Variants in TAF3 observed in about 807,000 individuals in gnomAD.
TAF3 encodes TATA-box binding protein associated factor 3.
Under a neutral mutation model 80.6 loss-of-function variants are expected in TAF3, and 7 were observed. The observed-to-expected ratio is 0.09, with a 90% confidence interval of 0.05 to 0.16. The LOEUF (loss-of-function observed/expected upper bound fraction) is 0.16. Among genes scored for constraint, TAF3 ranks in the 10% least tolerant of loss-of-function variants. The pLI is 1.00. For synonymous variants in TAF3, 444 were observed against 446.1 expected (o/e 1.00, Z 0.06); for missense variants, 921 against 1,140.2 (o/e 0.81, Z 2.77).
intron 2 of TAF3, among the ~76,000 whole-genome samples, chr10:7,839,555 A>G (rs1337568202): frequency 2.0e-5 from 3 of 152,186 alleles, no homozygotes; most frequent in Admixed American, 2.0e-4. Flanking sequence ...CCCAGGTTTC[A>G]TAGTCTTGGC....
Position 7,818,520 on chromosome 10 carries a change from G to C in TAF3, c.-190G>C, listed in dbSNP as rs1000970031. 3.8e-6 allele frequency: 2 copies of C among 520,160 alleles called. No homozygotes were observed. Among genetic ancestry groups the C allele is most frequent in the South Asian group, 3.1e-5 (1 of 31,910 alleles). The allele number at this position is 520,160 out of a possible 1,614,324, so 32.2% of individuals were successfully genotyped here. Reference sequence around the variant, plus strand: ...GCGGCCGTCCAGCGGGAGGCGGAGCGAGTCCAAAATGGCGGCTCTCAGGCT... The same window carrying C: ...GCGGCCGTCCAGCGGGAGGCGGAGCCAGTCCAAAATGGCGGCTCTCAGGCT... On this transcript the variant is annotated 5_prime_UTR_variant, in exon 1 of 7. Transcript: ENST00000344293.
chr10:7,870,055 G>A (rs1384708254), intron 2 of TAF3, among the ~76,000 whole-genome samples: 1 of 152,178 alleles, frequency 6.6e-6, no homozygotes, highest in Non-Finnish European at 1.5e-5. Context: ...TAGGAGAAAT[G>A]AAAACGGCTT....
At chr10:7,893,693 G>A (rs1286384726) in intron 2 of TAF3, among the ~76,000 whole-genome samples, 1 of 152,090 alleles carries the variant, frequency 6.6e-6, no homozygotes, top group East Asian at 1.9e-4. Context: ...TCTAGCGTAG[G>A]CCTGGCCTAT....
At chr10:7,905,585 T>C (rs11594292) in intron 2 of TAF3, among the ~76,000 whole-genome samples, 53,788 of 151,908 alleles carry the variant, frequency 0.35, 10,691 homozygotes, top group Admixed American at 0.48. Flanking sequence ...TATACTCCTT[T>C]AAAAACTTAA....
intron 2 of TAF3, among the ~76,000 whole-genome samples, chr10:7,870,432 G>C (rs1429990667): frequency 1.3e-5 from 2 of 152,136 alleles, no homozygotes; most frequent in Non-Finnish European, 2.9e-5. Context: ...TTCTTCCAGT[G>C]GTCGGTTAGA....
chr10:7,976,076 G>T (rs1831669661), intron 3 of TAF3, among the ~76,000 whole-genome samples: 1 of 152,104 alleles, frequency 6.6e-6, no homozygotes, highest in Non-Finnish European at 1.5e-5. Flanking sequence ...TTGATTATAT[G>T]ATCTGCAAAC....
chr10:7,986,635 C>G (rs1831780433), intron 4 of TAF3, among the ~76,000 whole-genome samples: 1 of 152,174 alleles, frequency 6.6e-6, no homozygotes, highest in Non-Finnish European at 1.5e-5. Flanking sequence ...CACTTGGACT[C>G]TCAGCATCTT....
At chr10:7,894,397 T>C (rs1837486900) in intron 2 of TAF3, among the ~76,000 whole-genome samples, 1 of 152,222 alleles carries the variant, frequency 6.6e-6, no homozygotes, top group Admixed American at 6.5e-5. Flanking sequence ...GCATTACGTC[T>C]CAGCGCCATC....
At chr10:7,976,081 GCAAA>G (rs1260077264) in intron 3 of TAF3, among the ~76,000 whole-genome samples, 2 of 152,110 alleles carry the variant, frequency 1.3e-5, no homozygotes, top group African/African-American at 2.4e-5. Flanking sequence ...TATATGATCT[GCAAA>G]CCAACAATTG....
intron 2 of TAF3, among the ~76,000 whole-genome samples, chr10:7,902,244 A>G (rs1588545349): frequency 6.6e-6 from 1 of 151,874 alleles, no homozygotes; most frequent in Admixed American, 6.6e-5. Flanking sequence ...ACCAACATGG[A>G]GAAACCCTGT....
intron 2 of TAF3, among the ~76,000 whole-genome samples, chr10:7,938,448 T>G (rs1185879625): frequency 6.6e-6 from 1 of 152,156 alleles, no homozygotes; most frequent in Non-Finnish European, 1.5e-5. Flanking sequence ...GGAGATTTTT[T>G]GAAGGGAAAT....
intron 2 of TAF3, among the ~76,000 whole-genome samples, chr10:7,845,317 CGT>C (rs199972101): frequency 0.039 from 5,909 of 151,572 alleles, 161 homozygotes; most frequent in South Asian, 0.086. Flanking sequence ...TGTGTGTGTG[CGT>C]GTGTGTGTGC....
intron 2 of TAF3, among the ~76,000 whole-genome samples, chr10:7,831,216 T>G (rs1178230263): frequency 6.6e-6 from 1 of 152,236 alleles, no homozygotes; most frequent in African/African-American, 2.4e-5. Flanking sequence ...CGCTTGATTT[T>G]TTTCATATGG....
chr10:7,863,676 T>C (rs1222040142), intron 2 of TAF3, among the ~76,000 whole-genome samples: 1,069 of 55,148 alleles, frequency 0.019, 229 homozygotes, highest in Middle Eastern at 0.073. Flanking sequence ...TACACACATA[T>C]ATATATATAC....
intron 2 of TAF3, among the ~76,000 whole-genome samples, chr10:7,883,583 T>TTTATC (rs1837381072): frequency 6.6e-6 from 1 of 152,226 alleles, no homozygotes; most frequent in Non-Finnish European, 1.5e-5. Context: ...TACCTACTAG[T>TTTATC]TTATCATCCA....
chr10:7,950,607 A>G (rs926814127), intron 2 of TAF3, among the ~76,000 whole-genome samples: 1 of 152,200 alleles, frequency 6.6e-6, no homozygotes, highest in Non-Finnish European at 1.5e-5. Context: ...CTGGATGTTG[A>G]TGAGTGTATA....
intron 2 of TAF3, among the ~76,000 whole-genome samples, chr10:7,836,878 T>G (rs1037750880): frequency 6.6e-6 from 1 of 152,246 alleles, no homozygotes; most frequent in African/African-American, 2.4e-5. Flanking sequence ...GCTCTCCAAC[T>G]GCTTACAGTT....
intron 2 of TAF3, among the ~76,000 whole-genome samples, chr10:7,924,951 ATACCT>A (rs955760357): frequency 6.6e-6 from 1 of 152,312 alleles, no homozygotes; most frequent in Middle Eastern, 3.4e-3. Flanking sequence ...TAGTTTCCTG[ATACCT>A]TATCTTACTA....
chr10:7,985,720 A>C (rs1831769471), intron 4 of TAF3, among the ~76,000 whole-genome samples: 1 of 150,706 alleles, frequency 6.6e-6, no homozygotes, highest in South Asian at 2.1e-4. Flanking sequence ...CCTTTCAGAA[A>C]CTTCCTGTTC....
Sources: gnomAD v4.1 joint callset for allele counts (sites outside exome capture counted in the v4.1 genomes callset) on GRCh38, gnomAD v4.1.1 for gene constraint, MANE v1.5 for transcripts, NCBI Gene and HGNC (gene_info 2026-07-23, HGNC 2026-07-21) for gene names.